SBF2: variants seen among roughly 807,000 people sequenced by gnomAD.
SBF2 encodes SET binding factor 2.
Under a neutral mutation model 225.2 loss-of-function variants are expected in SBF2, and 112 were observed. That is an observed-to-expected ratio of 0.50 (90% CI 0.43 to 0.58). The LOEUF (loss-of-function observed/expected upper bound fraction) is 0.58. SBF2 is among the 20% of genes least tolerant of loss of function. The pLI is 0.00. For synonymous variants in SBF2, 763 were observed against 773.3 expected, an observed-to-expected ratio of 0.99 and a Z score of 0.22; for missense variants, 1,996 against 2,206.2, an observed-to-expected ratio of 0.90 and a Z score of 1.91.
Position 10,220,148 on chromosome 11 carries a change from C to T in SBF2, c.56-26161G>A, listed in dbSNP as rs1197680643. On this transcript the variant is annotated intron_variant, in intron 1 of 39. Transcript: ENST00000256190. Reference sequence around the variant, plus strand: ...GGCTCAGGAGGCCTCACAATCATGGCGCAAGGCAAAGGAGATGCAAAGGAA... The same window carrying T: ...GGCTCAGGAGGCCTCACAATCATGGTGCAAGGCAAAGGAGATGCAAAGGAA... Among the ~76,000 whole-genome samples the T allele has an allele frequency of 2.6e-5, 4 of 152,130 alleles. No homozygotes were observed. The South Asian group carries it at 8.3e-4, about 32-fold the overall frequency.
chr11:9,958,304 G>A (rs1031044941), intron 16 of SBF2: 4 of 150,518 alleles, frequency 2.7e-5, no homozygotes, highest in African/African-American at 7.3e-5. Flanking sequence ...AAGAAAGAAA[G>A]CAAGATTAAC....
chr11:9,899,501 CAA>C (rs34430569), intron 16 of SBF2, among the ~76,000 whole-genome samples: 7 of 130,174 alleles, frequency 5.4e-5, no homozygotes, highest in Admixed American at 3.1e-4. Flanking sequence ...GAGACACTGT[CAA>C]AAAAAAAAAA....
chr11:9,998,082 G>A (rs1032776103), intron 9 of SBF2, among the ~76,000 whole-genome samples, 184 bp downstream of exon 9: 13 of 152,194 alleles, frequency 8.5e-5, no homozygotes, highest in Non-Finnish European at 1.6e-4. Flanking sequence ...CAAAATATAT[G>A]CTTTAGATAA....
At chr11:9,882,465 T>C (rs945742295) in intron 17 of SBF2, among the ~76,000 whole-genome samples, 65 of 152,198 alleles carry the variant, frequency 4.3e-4, no homozygotes, top group African/African-American at 1.5e-3. Context: ...ACCACTGATT[T>C]GCACTTCCAT....
At chr11:9,942,487 G>A (rs12806361) in intron 16 of SBF2, among the ~76,000 whole-genome samples, 3 of 152,142 alleles carry the variant, frequency 2.0e-5, no homozygotes, top group Admixed American at 2.0e-4. Context: ...TTCCAGTAGA[G>A]GCTCTCATGG....
chr11:9,800,124 G>A (rs900998014), intron 32 of SBF2, among the ~76,000 whole-genome samples: 6 of 152,012 alleles, frequency 3.9e-5, no homozygotes, highest in Non-Finnish European at 7.4e-5. Context: ...TGTAATCTGA[G>A]CTATTAGGGA....
intron 2 of SBF2, among the ~76,000 whole-genome samples, chr11:10,118,661 T>C (rs546160233): frequency 2.0e-5 from 3 of 152,194 alleles, no homozygotes; most frequent in Admixed American, 1.3e-4. Flanking sequence ...CCATTTTCCA[T>C]CTCCAATTTT....
intron 2 of SBF2, among the ~76,000 whole-genome samples, chr11:10,077,345 T>C (rs1951160648): frequency 6.6e-6 from 1 of 152,046 alleles, no homozygotes; most frequent in Non-Finnish European, 1.5e-5. Flanking sequence ...ATATTGCCAA[T>C]ACAATCCTAA....
At chr11:10,162,274 T>A (rs1009048517) in intron 2 of SBF2, among the ~76,000 whole-genome samples, 1 of 152,030 alleles carries the variant, frequency 6.6e-6, no homozygotes, top group East Asian at 1.9e-4. Context: ...AGGCATTTAG[T>A]TGAATATAAG....
In SBF2 at chr11:9,780,471, G is replaced by C; in HGVS notation, c.5497C>G (p.Gln1833Glu). 1 of 1,614,154 alleles carries C rather than the reference G, an allele frequency of 6.2e-7. No individual in the cohort carries two copies. Among genetic ancestry groups the C allele is most frequent in the Non-Finnish European group, 8.5e-7 (1 of 1,180,024 alleles). ...RVYNFCAQDG[Q>E]SAQQWMDKIQ... ...TTGTCCATCCATTGCTGGGCACTCT[G>C]TCCATCCTGGGCGCAGAAGTTATAC... is the stretch of plus-strand genomic sequence containing the variant. The change falls in exon 40 of 40, where the codon CAG becomes GAG. Residue 1833 changes from glutamine to glutamate, a missense_variant. Gln to Glu is a conservative substitution (Grantham distance 29, BLOSUM62 2). Coordinates refer to ENST00000256190, the MANE Select transcript of SBF2 (RefSeq NM_030962.4).
chr11:10,085,466 G>A (rs1364219442), intron 2 of SBF2, among the ~76,000 whole-genome samples: 1 of 151,974 alleles, frequency 6.6e-6, no homozygotes, highest in Non-Finnish European at 1.5e-5. Context: ...TTATTTCAAT[G>A]ACTGTATTTT....
In SBF2 at chr11:9,968,500, T is replaced by G; in HGVS notation, c.1441A>C (p.Thr481Pro). 6.2e-7 allele frequency: 1 copy of G among 1,614,142 alleles called. No homozygotes were observed. Among genetic ancestry groups the G allele is most frequent in the Non-Finnish European group, 8.5e-7 (1 of 1,180,002 alleles). Residue 481 changes from threonine to proline, a missense_variant, in exon 14 of 40, where the codon ACA becomes CCA. By Grantham distance (38) the Thr-to-Pro change is conservative. Coordinates refer to ENST00000256190, the MANE Select transcript of SBF2 (RefSeq NM_030962.4). ...TGAACTCGCAAATGGGATCCTTCTG[T>G]TGGCCGTGGAACTTTCTGGAATGCC... ...HMAFQKVPRP[T>P]EGSHLRVHIL... is the part of the protein sequence containing the mutation.
At position 10,004,265 on chromosome 11, in the gene SBF2, AG is replaced by A. The variant is rs1315234185; in HGVS notation, c.620-1577del. On this transcript the variant is annotated intron_variant, in intron 6 of 39. Transcript: ENST00000256190. ...TTTTAAAATTCATATTAAATCCACA[AG>A]AATAAATGCTACAAATTTTGCAAAA... is the stretch of plus-strand genomic sequence containing the variant. Among the ~76,000 whole-genome samples the A allele has an allele frequency of 5.3e-5, 8 of 152,328 alleles. No homozygotes were observed. In the South Asian group the frequency reaches 1.7e-3, roughly 32 times the overall value.
intron 17 of SBF2, among the ~76,000 whole-genome samples, chr11:9,885,793 G>A (rs892347574): frequency 6.6e-6 from 1 of 152,090 alleles, no homozygotes; most frequent in Non-Finnish European, 1.5e-5. Context: ...ATTATTTGAT[G>A]GTCCTGGAAT....
At chr11:9,902,204 T>C (rs1268449258) in intron 16 of SBF2, among the ~76,000 whole-genome samples, 3 of 152,178 alleles carry the variant, frequency 2.0e-5, no homozygotes, top group South Asian at 2.1e-4. Context: ...AAAAGAGACA[T>C]GTACCATCTA....
intron 2 of SBF2, among the ~76,000 whole-genome samples, chr11:10,103,052 T>C (rs1322829541): frequency 2.0e-5 from 3 of 152,200 alleles, no homozygotes; most frequent in Non-Finnish European, 4.4e-5. Flanking sequence ...AAGAAACAGA[T>C]TCAGTTGGCC....
chr11:10,222,973 A>G (rs533756330), intron 1 of SBF2, among the ~76,000 whole-genome samples: 1 of 152,166 alleles, frequency 6.6e-6, no homozygotes, highest in South Asian at 2.1e-4. Flanking sequence ...TTTATGCTAC[A>G]TCTTCAGAGA....
intron 2 of SBF2, among the ~76,000 whole-genome samples, chr11:10,130,375 A>G (rs7947306): frequency 1.3e-5 from 2 of 151,840 alleles, no homozygotes; most frequent in East Asian, 3.8e-4. Context: ...AAAAAAAAAA[A>G]AATTCAGTAG....
intron 16 of SBF2, among the ~76,000 whole-genome samples, chr11:9,937,716 C>A (rs780229597): frequency 6.6e-6 from 1 of 151,430 alleles, no homozygotes. Context: ...GTCTAGAAAA[C>A]CCAAGAAACT....
Sources: gnomAD v4.1 joint callset for allele counts (sites outside exome capture counted in the v4.1 genomes callset) on GRCh38, gnomAD v4.1.1 for gene constraint, MANE v1.5 for transcripts, NCBI Gene and HGNC (gene_info 2026-07-23, HGNC 2026-07-21) for gene names.